CCDC57: variants seen among roughly 807,000 people sequenced by gnomAD.
CCDC57 encodes coiled-coil domain containing 57.
CCDC57 carries 118 observed loss-of-function variants against 118.9 expected under a neutral mutation model. The ratio of observed to expected loss-of-function variants is 0.99; its 90% CI spans 0.86 to 1.16. The LOEUF (loss-of-function observed/expected upper bound fraction) is 1.16, where lower values mean the gene tolerates loss of function less well. CCDC57 is among the 50% of genes most tolerant of loss of function. The pLI is 0.00. For missense variants in CCDC57, 1,300 were observed against 1,320.7 expected (o/e 0.98, Z 0.24); for synonymous variants, 527 against 532.9 (o/e 0.99, Z 0.15).
Position 82,195,252 on chromosome 17 carries a change from C to T in CCDC57, c.618+11G>A, listed in dbSNP as rs1482698015. On this transcript the variant is annotated intron_variant, in intron 5 of 19. Coordinates refer to ENST00000665763, the Ensembl canonical transcript of CCDC57. The stretch of plus-strand genomic sequence containing the variant: ...GAAAAACCTTCACGACCCAAGGGTG[C>T]CCCCAGTTACCTTAAGCTCCCGGGA... The T allele has an allele frequency of 1.3e-6, 2 of 1,571,900 alleles. No homozygotes were observed. The highest frequency in any genetic ancestry group is 1.7e-6 in the Non-Finnish European group (2 of 1,156,512).
intron 2 of CCDC57, among the ~76,000 whole-genome samples, chr17:82,206,526 G>C (rs1343998241): frequency 6.6e-6 from 1 of 151,494 alleles, no homozygotes; most frequent in Non-Finnish European, 1.5e-5. Context: ...AGAGGACAGG[G>C]TGTGGAGAGG....
chr17:82,106,005 C>T (rs1393598387), intron 19 of CCDC57, among the ~76,000 whole-genome samples: 2 of 152,216 alleles, frequency 1.3e-5, no homozygotes, highest in Non-Finnish European at 2.9e-5. Context: ...TGGGCGCCGA[C>T]CACAGGCTGA....
At chr17:82,134,473 C>T (rs74751691) in intron 16 of CCDC57, 34 of 302,938 alleles carry the variant, frequency 1.1e-4, no homozygotes, top group African/African-American at 5.6e-4. Flanking sequence ...AGCACCCAGA[C>T]GCCCTTTCTG....
intron 15 of CCDC57, chr17:82,152,095 G>A: frequency 5.8e-6 from 2 of 347,406 alleles, no homozygotes; most frequent in South Asian, 3.0e-5. Flanking sequence ...TGTCTTTCAA[G>A]TGAACACAAG....
At chr17:82,189,201 G>A (rs755841185) in intron 7 of CCDC57, among the ~76,000 whole-genome samples, 45 of 152,266 alleles carry the variant, frequency 3.0e-4, no homozygotes, top group Admixed American at 1.1e-3. Flanking sequence ...GTGGGAGGTC[G>A]AGGCTGCAGT....
At chr17:82,148,341 ATG>A (rs1598908091) in intron 16 of CCDC57, among the ~76,000 whole-genome samples, 2 of 38,164 alleles carry the variant, frequency 5.2e-5, no homozygotes, top group Non-Finnish European at 9.1e-5. Flanking sequence ...GGATGGATGG[ATG>A]GATAGGTGGG....
exon 19 of CCDC57, chr17:82,127,853 C>T: frequency 1.2e-6 from 2 of 1,610,928 alleles, no homozygotes; most frequent in Non-Finnish European, 1.7e-6. Flanking sequence ...CTTTGGGGAC[C>T]TGTCTTCTTT....
chr17:82,124,361 GC>G (rs528101739), intron 19 of CCDC57, among the ~76,000 whole-genome samples: 122 of 152,340 alleles, frequency 8.0e-4, no homozygotes, highest in African/African-American at 2.7e-3. Context: ...AGCTGTATCA[GC>G]TGTTAAAAGC....
At chr17:82,107,641 A>G in intron 19 of CCDC57, 1 of 468,050 alleles carries the variant, frequency 2.1e-6, no homozygotes, top group Non-Finnish European at 4.4e-6. Context: ...CAGGAGAAGG[A>G]GGGCAGCCTG....
chr17:82,116,102 C>A (rs1402776305), intron 19 of CCDC57, among the ~76,000 whole-genome samples: 2 of 127,824 alleles, frequency 1.6e-5, no homozygotes, highest in African/African-American at 6.0e-5. Context: ...CGGCCACAAC[C>A]TTTTTTTTTT....
Position 82,101,600 on chromosome 17 carries a change from C to A in CCDC57, c.*82G>T, listed in dbSNP as rs779431551. 7.4e-6 allele frequency: 9 copies of A among 1,211,962 alleles called. No individual in the cohort carries two copies. In the African/African-American group the frequency reaches 7.7e-5, roughly 10 times the overall value. 75.1% of individuals were successfully genotyped at this position (1,211,962 alleles called of 1,614,324 possible). A position where few individuals can be genotyped will look rare whatever the true frequency, so the allele number is the denominator to read the frequency against. On this transcript the variant is annotated 3_prime_UTR_variant, in exon 20 of 20. Transcript: ENST00000665763. ...CCACCCTGCACGCTGTGCCCACACC[C>A]CCCCACAACACGTAGGTGAAAGCAC...
intron 16 of CCDC57, among the ~76,000 whole-genome samples, chr17:82,147,816 ATGGG>A (rs2041026099): frequency 9.8e-6 from 1 of 101,912 alleles, no homozygotes; most frequent in East Asian, 3.1e-4. Context: ...GAATAGATGA[ATGGG>A]TGGGTGGATG....
intron 19 of CCDC57, among the ~76,000 whole-genome samples, chr17:82,102,758 A>G (rs1354617727): frequency 6.6e-6 from 1 of 151,956 alleles, no homozygotes; most frequent in Admixed American, 6.6e-5. Flanking sequence ...GGTGGCGGGC[A>G]CCTGTAATCC....
intron 19 of CCDC57, chr17:82,109,036 T>A (rs2035063975): frequency 6.6e-6 from 1 of 152,184 alleles, no homozygotes; most frequent in South Asian, 2.1e-4. Context: ...TCAAAACATG[T>A]TAAACATAAA....
Position 82,122,922 on chromosome 17 carries a change from T to C in CCDC57, c.2899+4770A>G, listed in dbSNP as rs191303626. 3.9e-5 allele frequency among the ~76,000 whole-genome samples: 6 copies of C among 152,258 alleles called. No homozygotes were observed. The East Asian group carries it at 9.7e-4, about 25-fold the overall frequency. ...TTTTCAGAGCAAAGTTTCTTGGATA[T>C]GTTGTCCATCCCATCTCCCATCCTC... On this transcript the variant is annotated intron_variant, in intron 19 of 19. Coordinates refer to ENST00000665763, the Ensembl canonical transcript of CCDC57.
exon 20 of CCDC57, chr17:82,101,604 C>G (rs144548388): frequency 2.3e-4 from 283 of 1,255,750 alleles, no homozygotes; most frequent in Non-Finnish European, 2.9e-4. Context: ...CACACCCCCC[C>G]ACAACACGTA....
At chr17:82,133,481 T>C (rs1360790201) in intron 17 of CCDC57, among the ~76,000 whole-genome samples, 1 of 149,414 alleles carries the variant, frequency 6.7e-6, no homozygotes, top group Admixed American at 6.7e-5. Context: ...TTTTTTTCAC[T>C]TATCATACCA....
exon 8 of CCDC57, chr17:82,188,288 T>G: frequency 6.3e-7 from 1 of 1,588,668 alleles, no homozygotes; most frequent in South Asian, 1.1e-5. Context: ...GAGCTGCGCC[T>G]CGAGGGTCTC....
intron 3 of CCDC57, among the ~76,000 whole-genome samples, chr17:82,200,456 T>C (rs913554435): frequency 2.0e-5 from 3 of 152,128 alleles, no homozygotes; most frequent in Non-Finnish European, 2.9e-5. Flanking sequence ...ATGATAAGAA[T>C]AGTTTACTCC....
Sources: gnomAD v4.1 joint callset for allele counts (sites outside exome capture counted in the v4.1 genomes callset) on GRCh38, gnomAD v4.1.1 for gene constraint, MANE v1.5 for transcripts, NCBI Gene and HGNC (gene_info 2026-07-23, HGNC 2026-07-21) for gene names.